HGD: variants seen among roughly 807,000 people sequenced by gnomAD.
HGD encodes homogentisate 1,2-dioxygenase.
In HGD, 61 loss-of-function variants were observed where a neutral mutation model predicts 60.8. The observed-to-expected ratio is 1.00, with a 90% confidence interval of 0.82 to 1.24. HGD has a LOEUF of 1.24. Among genes scored for constraint, HGD ranks in the 50% most tolerant of loss-of-function variants. The pLI, the probability that HGD is intolerant of heterozygous loss-of-function variation, is 0.00. For missense variants in HGD, 542 were observed against 547.1 expected (o/e 0.99, Z 0.09); for synonymous variants, 212 against 187.7 (o/e 1.13, Z -1.06).
At chr3:120,653,930 C>G (rs1049602146) in intron 4 of HGD, among the ~76,000 whole-genome samples, 7 of 152,168 alleles carry the variant, frequency 4.6e-5, no homozygotes, top group African/African-American at 1.7e-4. Context: ...TGACATTCCA[C>G]CAAGCTGTAA....
chr3:120,650,740 T>A, intron 6 of HGD, 34 bp downstream of exon 6: 1 of 1,504,782 alleles, frequency 6.6e-7, no homozygotes, highest in Non-Finnish European at 9.3e-7. Flanking sequence ...CCTTAGAAGA[T>A]GGGCATGTCC....
At chr3:120,680,070 C>A (rs777236909) in intron 1 of HGD, among the ~76,000 whole-genome samples, 4 of 152,130 alleles carry the variant, frequency 2.6e-5, no homozygotes, top group African/African-American at 4.8e-5. Flanking sequence ...GGGCCCAGAG[C>A]CTGAATATTA....
At position 120,646,353 on chromosome 3, in the gene HGD, A is replaced by G; in HGVS notation, c.563T>C (p.Phe188Ser). 6.2e-7 allele frequency: 1 copy of G among 1,611,130 alleles called. No homozygotes were observed. Among genetic ancestry groups the G allele is most frequent in the Non-Finnish European group, 8.5e-7 (1 of 1,177,330 alleles). The change falls in exon 9 of 14, where the codon TTC (phenylalanine) becomes TCC (serine). Residue 188 changes from phenylalanine to serine, a missense_variant. Phe to Ser is a radical substitution (Grantham distance 155, BLOSUM62 -2). Around this residue, in one of 2 missense-constraint regions of HGD, gnomAD observed 537 missense variants for 529.1 expected, o/e 1.01. Coordinates refer to ENST00000283871, the MANE Select transcript of HGD (RefSeq NM_000187.4). ...EICVIQRGMRFSIDVFEETRG... is the reference protein window; with the variant it reads ...EICVIQRGMRSSIDVFEETRG... Reference sequence around the variant, plus strand: ...GGTCTCCTCAAAGACATCTATGCTGAACCGCATTCCTCTCTGGAATGGAAA... The same window carrying G: ...GGTCTCCTCAAAGACATCTATGCTGGACCGCATTCCTCTCTGGAATGGAAA...
intron 4 of HGD, among the ~76,000 whole-genome samples, chr3:120,653,437 A>G (rs928930112): frequency 6.6e-6 from 1 of 152,162 alleles, no homozygotes. Context: ...CCTGAAGACT[A>G]GCTCCACTGG....
Position 120,650,948 on chromosome 3 carries a change from G to A in HGD, c.343-83C>T, listed in dbSNP as rs1471368209. Reference sequence around the variant, plus strand: ...CCTTCCACTGGTCCCTGAGGGTCATGAGGCACATTTCTACTAGGGTCTTCC... The same window carrying A: ...CCTTCCACTGGTCCCTGAGGGTCATAAGGCACATTTCTACTAGGGTCTTCC... On this transcript the variant is annotated intron_variant, in intron 5 of 13. Coordinates refer to ENST00000283871, the MANE Select transcript of HGD (RefSeq NM_000187.4). 1.7e-5 allele frequency: 18 copies of A among 1,030,470 alleles called. No individual in the cohort carries two copies. The East Asian group carries it at 2.1e-4, about 12-fold the overall frequency. 63.8% of individuals were successfully genotyped at this position (1,030,470 alleles called of 1,614,324 possible). A position where few individuals can be genotyped will look rare whatever the true frequency, so the allele number is the denominator to read the frequency against.
At chr3:120,649,191 G>A (rs1482355530) in intron 6 of HGD, among the ~76,000 whole-genome samples, 1 of 139,488 alleles carries the variant, frequency 7.2e-6, no homozygotes, top group African/African-American at 2.7e-5. Context: ...TGTCCGGGCT[G>A]GAGTGCAATG....
chr3:120,633,193 G>T lies in HGD; in HGVS notation c.1142C>A (p.Ala381Asp). 1.9e-6 allele frequency: 3 copies of T among 1,614,046 alleles called. No homozygotes were observed. The highest frequency in any genetic ancestry group is 2.5e-6 in the Non-Finnish European group (3 of 1,179,996). ...HGPDADCFEK[A>D]SKVKLAPERI... ...CTCAGGTGCCAGCTTGACCTTGCTG[G>T]CCTTCTCAAAGCAGTCAGCATCAGG... Residue 381 changes from alanine (A) to aspartate (D), a missense_variant, in exon 13 of 14, where the codon GCC (alanine) becomes GAC (aspartate). By Grantham distance (126) the Ala-to-Asp change is moderately radical (BLOSUM62 -2). This residue lies in a region of HGD where 537 missense variants were observed against 529.1 expected (regional missense o/e 1.01). Coordinates refer to ENST00000283871, the MANE Select transcript of HGD (RefSeq NM_000187.4).
intron 3 of HGD, among the ~76,000 whole-genome samples, chr3:120,670,822 A>G (rs1163563600): frequency 6.6e-6 from 1 of 152,196 alleles, no homozygotes. Context: ...TCTAAAAACT[A>G]TAAGGGAAGG....
At chr3:120,650,164 GTCAAC>G (rs1941295914) in intron 6 of HGD, among the ~76,000 whole-genome samples, 2 of 152,164 alleles carry the variant, frequency 1.3e-5, no homozygotes, top group African/African-American at 2.4e-5. Flanking sequence ...GAGCCCAAAG[GTCAAC>G]CTGCAACTAC....
intron 10 of HGD, among the ~76,000 whole-genome samples, chr3:120,643,313 G>A (rs1325955421): frequency 6.6e-6 from 1 of 152,186 alleles, no homozygotes; most frequent in Non-Finnish European, 1.5e-5. Context: ...GGGTAGAGAC[G>A]GGGTTTTGCC....
rs1457664495 is a variant in HGD, at chr3:120,638,459, G to T, written c.1002C>A (p.Tyr334Ter). 6.2e-7 allele frequency: 1 copy of T among 1,613,810 alleles called. No individual in the cohort carries two copies. Residue 334 changes from tyrosine to a stop codon, truncating the protein, a stop_gained, in exon 12 of 14, where the codon TAC becomes TAA. Transcript: ENST00000283871. LOFTEE classifies it high-confidence loss of function. The part of the protein sequence containing the change: ...VADKTFRPPY[Y>*]HRNCMSEFMG... ...CTTGGTAAAAGAGAGACTTACTATGGTAATAAGGAGGCCTGAAGGTCTTAT... is the reference window on the plus strand; with the variant it reads ...CTTGGTAAAAGAGAGACTTACTATGTTAATAAGGAGGCCTGAAGGTCTTAT...
chr3:120,628,221 A>C lies in HGD; in HGVS notation c.*159T>G, dbSNP rs531872369. ...TGAGTAATTAAGGTGACAGCCATAG[A>C]ACTTTGCAAATGCGTTTCCATAAAA... On this transcript the variant is annotated 3_prime_UTR_variant, in exon 14 of 14. Transcript: ENST00000283871. The C allele has an allele frequency of 5.2e-6, 4 of 765,670 alleles. No homozygotes were observed. Among genetic ancestry groups the C allele is most frequent in the East Asian group, 2.5e-5 (1 of 40,250 alleles). 47.4% of individuals were successfully genotyped at this position (765,670 alleles called of 1,614,324 possible).
At chr3:120,671,649 A>G (rs1409806204) in intron 3 of HGD, among the ~76,000 whole-genome samples, 1 of 152,226 alleles carries the variant, frequency 6.6e-6, no homozygotes, top group Non-Finnish European at 1.5e-5. Flanking sequence ...TGTATACCCA[A>G]AGGAATATAA....
At chr3:120,675,311 A>G (rs554012688) in intron 2 of HGD, among the ~76,000 whole-genome samples, 2 of 151,554 alleles carry the variant, frequency 1.3e-5, no homozygotes, top group Non-Finnish European at 2.9e-5. Flanking sequence ...GTAACCCTGT[A>G]ATAATCAGGC....
chr3:120,630,843 T>TACACACACAC (rs111540631), intron 13 of HGD, among the ~76,000 whole-genome samples: 1,411 of 116,616 alleles, frequency 0.012, 12 homozygotes, highest in Middle Eastern at 0.03. Context: ...CACACACACA[T>TACACACACAC]ACACACACAC....
In HGD at chr3:120,647,891, C is replaced by T; in HGVS notation, c.455G>A (p.Gly152Glu). Residue 152 changes from glycine to glutamate, a missense_variant, in exon 7 of 14, where the codon GGG becomes GAG. Transcript: ENST00000283871. ...TCAGAACTCACCAATCAAGAAGTCC[C>T]CATCTGAATTGTAAAAGCATCTGAA... ...MENRCFYNSD[G>E]DFLIVPQKGN... 1 of 1,612,344 alleles carries T rather than the reference C, an allele frequency of 6.2e-7. No homozygotes were observed. Among genetic ancestry groups the T allele is most frequent in the Non-Finnish European group, 8.5e-7 (1 of 1,178,354 alleles).
At chr3:120,644,507 T>C in intron 9 of HGD, 64 bp from the exon 10 acceptor site, 1 of 1,611,230 alleles carries the variant, frequency 6.2e-7, no homozygotes, top group Non-Finnish European at 8.5e-7. Context: ...TGCCCATGGT[T>C]GCATGAAGAG....
chr3:120,641,431 T>A (rs1204307189), intron 11 of HGD, among the ~76,000 whole-genome samples, 158 bp downstream of exon 11: 1 of 152,202 alleles, frequency 6.6e-6, no homozygotes, highest in Non-Finnish European at 1.5e-5. Context: ...CCCTACTAGT[T>A]GTGTTATTTA....
In HGD at chr3:120,633,146, C is replaced by T. The variant is rs760206323; in HGVS notation, c.1188+1G>A. 4 of 1,613,924 alleles carry T rather than the reference C, an allele frequency of 2.5e-6. No homozygotes were observed. Among genetic ancestry groups the T allele is most frequent in the Admixed American group, 3.3e-5 (2 of 59,988 alleles). On this transcript the variant is annotated splice_donor_variant, in intron 13 of 13. Coordinates refer to ENST00000283871, the MANE Select transcript of HGD (RefSeq NM_000187.4). LOFTEE classifies it high-confidence loss of function. ...TGGAATGTGGCAGTTAACATACTTACCATGGTGCCATCGGCAATCCTCTCA... is the reference window on the plus strand; with the variant it reads ...TGGAATGTGGCAGTTAACATACTTATCATGGTGCCATCGGCAATCCTCTCA...
Sources: gnomAD v4.1 joint callset for allele counts (sites outside exome capture counted in the v4.1 genomes callset) on GRCh38, gnomAD v4.1.1 for gene constraint, gnomAD v4.1.1 regional missense constraint, MANE v1.5 for transcripts, NCBI Gene and HGNC (gene_info 2026-07-23, HGNC 2026-07-21) for gene names.